The following MAGI2 variants were observed in gnomAD, a reference collection of about 807,000 sequenced individuals.
The protein encoded by MAGI2 is membrane-associated guanylate kinase, WW and PDZ domain-containing protein 2.
Under a neutral mutation model 133.3 loss-of-function variants are expected in MAGI2, and 35 were observed. The ratio of observed to expected loss-of-function variants is 0.26; its 90% CI spans 0.20 to 0.35. The LOEUF (loss-of-function observed/expected upper bound fraction) is 0.35. Ranked by LOEUF, MAGI2 falls within the 10% of genes least tolerant of loss-of-function variation. MAGI2 has a pLI of 1.00. For synonymous variants in MAGI2, 729 were observed against 710.6 expected (o/e 1.03, Z -0.41); for missense variants, 1,636 against 1,863.4 (o/e 0.88, Z 2.25).
chr7:78,556,078 A>G (rs1451289771), intron 3 of MAGI2, among the ~76,000 whole-genome samples: 2 of 152,168 alleles, frequency 1.3e-5, no homozygotes, highest in Non-Finnish European at 2.9e-5. Context: ...ATAATGCCCT[A>G]TATTTGCTTA....
At chr7:78,451,650 G>T (rs1034442421) in intron 6 of MAGI2, among the ~76,000 whole-genome samples, 1 of 152,064 alleles carries the variant, frequency 6.6e-6, no homozygotes, top group East Asian at 1.9e-4. Flanking sequence ...GATAATCATG[G>T]TACCAGCCTC....
rs558880315 is a variant in MAGI2 at position 79,102,659 on chromosome 7, C to T, written c.302-95453G>A. On this transcript the variant is annotated intron_variant, in intron 1 of 21. Transcript: ENST00000354212. ...ACCCAAAGGCACTATATTCTAGTGA[C>T]ATTTTAAAAACCTGATCATTTGTAA... is the stretch of plus-strand genomic sequence containing the variant. Among the ~76,000 whole-genome samples the T allele has an allele frequency of 2.0e-5, 3 of 152,124 alleles. No homozygotes were observed. In the East Asian group the frequency reaches 5.8e-4, roughly 29 times the overall value.
rs1237650726 is a variant in MAGI2 at position 78,058,001 on chromosome 7, A to ATGTGTGTGTGTGTGTGTGTGTGTGTG, written c.3706+20945_3706+20946insCACACACACACACACACACACACACA. On this transcript the variant is annotated intron_variant, in intron 21 of 21. Coordinates refer to ENST00000354212, the MANE Select transcript of MAGI2 (RefSeq NM_012301.4). ...TGTATATATATATATATATATATAT[A>ATGTGTGTGTGTGTGTGTGTGTGTGTG]TATGTATGAGAAACATCTTGAATAT... 3.1e-4 allele frequency among the ~76,000 whole-genome samples: 34 copies of ATGTGTGTGTGTGTGTGTGTGTGTGTG among 111,370 alleles called. 4 individuals carry two copies. The highest frequency in any genetic ancestry group is 8.2e-4 in the African/African-American group (24 of 29,366). 73.1% of individuals were successfully genotyped at this position (111,370 alleles called of 152,430 possible).
chr7:79,035,592 T>G (rs1811054934), intron 1 of MAGI2, among the ~76,000 whole-genome samples: 1 of 152,194 alleles, frequency 6.6e-6, no homozygotes, highest in South Asian at 2.1e-4. Context: ...TCAATCAACA[T>G]CATAAGGTGC....
chr7:78,200,374 C>G (rs1192358519), intron 11 of MAGI2, among the ~76,000 whole-genome samples: 1 of 152,186 alleles, frequency 6.6e-6, no homozygotes, highest in East Asian at 1.9e-4. Flanking sequence ...TAGCCTAGCT[C>G]TGCAAAAAGA....
At position 78,185,653 on chromosome 7, in the gene MAGI2, T is replaced by A; in HGVS notation, c.2287A>T (p.Thr763Ser). 1 of 1,589,376 alleles carries A rather than the reference T, an allele frequency of 6.3e-7. No homozygotes were observed. ...YESRQQVPPR[T>S]SFRMDSSGPD... The stretch of plus-strand genomic sequence containing the variant: ...CCAGAGGAATCCATTCGAAAACTGG[T>A]CCTGGGTGGCACTTGTTCTGGATGG... The change falls in exon 13 of 22, where the codon ACC (threonine) becomes TCC (serine). Residue 763 changes from threonine to serine, a missense_variant. Transcript: ENST00000354212.
intron 2 of MAGI2, among the ~76,000 whole-genome samples, chr7:78,772,832 C>G (rs1302376831): frequency 6.6e-6 from 1 of 152,164 alleles, no homozygotes; most frequent in Non-Finnish European, 1.5e-5. Flanking sequence ...TCGGCTTAGG[C>G]AAATTTAGAA....
intron 6 of MAGI2, among the ~76,000 whole-genome samples, chr7:78,399,069 C>T (rs1336654385): frequency 6.6e-6 from 1 of 152,056 alleles, no homozygotes; most frequent in Non-Finnish European, 1.5e-5. Context: ...ATTAATGTGT[C>T]TAAAAATGGA....
chr7:78,590,403 T>G (rs1803877184), intron 3 of MAGI2, among the ~76,000 whole-genome samples: 1 of 152,182 alleles, frequency 6.6e-6, no homozygotes, highest in Admixed American at 6.5e-5. Flanking sequence ...TGGGTCATCT[T>G]TACAAATTCC....
intron 2 of MAGI2, among the ~76,000 whole-genome samples, chr7:78,791,795 C>T (rs1037436200): frequency 1.3e-5 from 2 of 152,042 alleles, no homozygotes; most frequent in Non-Finnish European, 2.9e-5. Context: ...AGTGATCCAC[C>T]AGTGTCAGGC....
At chr7:78,036,720 A>T (rs1424882160) in intron 21 of MAGI2, among the ~76,000 whole-genome samples, 1 of 152,094 alleles carries the variant, frequency 6.6e-6, no homozygotes, top group Non-Finnish European at 1.5e-5. Context: ...GGGCTCAAGC[A>T]GTCCTCCCAC....
Position 78,870,355 on chromosome 7 carries a change from GAA to G in MAGI2, c.418+136733_418+136734del, listed in dbSNP as rs34158706. On this transcript the variant is annotated intron_variant, in intron 2 of 21. Transcript: ENST00000354212. ...GGTGACAAAGTGAGACCCTGTCTCA[GAA>G]AAAAAAAAAAAAAAATAGTAGTAGG... 8.8e-3 allele frequency among the ~76,000 whole-genome samples: 972 copies of G among 109,916 alleles called. 7 individuals are homozygous for G. The highest frequency in any genetic ancestry group is 0.028 in the African/African-American group (719 of 25,604). The allele number at this position is 109,916 out of a possible 152,430, so 72.1% of individuals were successfully genotyped here.
intron 1 of MAGI2, among the ~76,000 whole-genome samples, chr7:79,329,834 A>G (rs1332751540): frequency 6.6e-6 from 1 of 152,204 alleles, no homozygotes; most frequent in Non-Finnish European, 1.5e-5. Flanking sequence ...TTACACCATA[A>G]TAAACAGCAA....
At chr7:78,580,576 A>G (rs1802732417) in intron 3 of MAGI2, among the ~76,000 whole-genome samples, 2 of 152,204 alleles carry the variant, frequency 1.3e-5, no homozygotes, top group South Asian at 2.1e-4. Flanking sequence ...TAATCCATAG[A>G]TACAAAATTG....
At position 78,167,851 on chromosome 7, in the gene MAGI2, C is replaced by T. The variant is rs1825759263; in HGVS notation, c.2596+65G>A. ...TAAAATTTTGTTTCATGTGGCCTTA[C>T]CATGTCTCACAAAAGCATCTTACCA... On this transcript the variant is annotated intron_variant, in intron 15 of 21. Coordinates refer to ENST00000354212, the MANE Select transcript of MAGI2 (RefSeq NM_012301.4). The T allele has an allele frequency of 9.3e-6, 14 of 1,498,026 alleles. 1 individual carries two copies. The South Asian group carries it at 1.4e-4, about 15-fold the overall frequency. 92.8% of individuals were successfully genotyped at this position (1,498,026 alleles called of 1,614,324 possible).
intron 1 of MAGI2, among the ~76,000 whole-genome samples, chr7:79,381,499 T>C (rs1843776934): frequency 6.6e-6 from 1 of 151,792 alleles, no homozygotes; most frequent in African/African-American, 2.4e-5. Flanking sequence ...AGGACTAAAA[T>C]GTACCTATCT....
chr7:79,190,565 T>C (rs1035245097), intron 1 of MAGI2, among the ~76,000 whole-genome samples: 1 of 151,910 alleles, frequency 6.6e-6, no homozygotes, highest in Non-Finnish European at 1.5e-5. Flanking sequence ...TCTCCTAGTT[T>C]TACTTTTTCA....
At chr7:78,469,082 T>C (rs1790931325) in intron 6 of MAGI2, among the ~76,000 whole-genome samples, 2 of 152,194 alleles carry the variant, frequency 1.3e-5, no homozygotes, top group Admixed American at 6.6e-5. Flanking sequence ...GAACTTCATA[T>C]TCTCAGAAAA....
rs576427326 is a variant in MAGI2, at chr7:79,241,090, T to C, written c.301+211930A>G. Among the ~76,000 whole-genome samples, 3 of 152,310 alleles carry C rather than the reference T, an allele frequency of 2.0e-5. No homozygotes were observed. In the South Asian group the frequency reaches 6.2e-4, roughly 32 times the overall value. ...TTAAAATTGCTTTCATTTGGAATAA[T>C]TATGTTTGGTCACTGATGTCTCCGT... On this transcript the variant is annotated intron_variant, in intron 1 of 21. Coordinates refer to ENST00000354212, the MANE Select transcript of MAGI2 (RefSeq NM_012301.4).
Sources: gnomAD v4.1 joint callset for allele counts (sites outside exome capture counted in the v4.1 genomes callset) on GRCh38, gnomAD v4.1.1 for gene constraint, MANE v1.5 for transcripts, NCBI Gene and HGNC (gene_info 2026-07-23, HGNC 2026-07-21) for gene names.